Variants in ASIC2 observed in about 807,000 individuals in gnomAD.
ASIC2 encodes acid-sensing ion channel 2.
A neutral mutation model predicts 57.3 loss-of-function variants in ASIC2; 25 were observed. That is an observed-to-expected ratio of 0.44 (90% CI 0.32 to 0.61). The LOEUF (loss-of-function observed/expected upper bound fraction) is 0.61. Ranked by LOEUF, ASIC2 falls within the 20% of genes least tolerant of loss-of-function variation. The pLI, the probability that ASIC2 is intolerant of heterozygous loss-of-function variation, is 0.06. For missense variants in ASIC2, 641 were observed against 738.1 expected, an observed-to-expected ratio of 0.87 and a Z score of 1.52; for synonymous variants, 319 against 307.5, an observed-to-expected ratio of 1.04 and a Z score of -0.39.
chr17:33,966,176 G>T (rs190608194), intron 1 of ASIC2, among the ~76,000 whole-genome samples: 53 of 152,332 alleles, frequency 3.5e-4, no homozygotes, highest in African/African-American at 1.2e-3. Flanking sequence ...GGATGGTATT[G>T]TTAGCAGGTA....
intron 1 of ASIC2, among the ~76,000 whole-genome samples, chr17:33,460,972 C>T (rs1235366669): frequency 6.6e-6 from 1 of 152,214 alleles, no homozygotes; most frequent in African/African-American, 2.4e-5. Context: ...TTGCCCAGAG[C>T]TTTTCAGCTT....
chr17:33,079,098 T>A (rs1202981695), intron 3 of ASIC2, among the ~76,000 whole-genome samples: 1 of 152,214 alleles, frequency 6.6e-6, no homozygotes, highest in Non-Finnish European at 1.5e-5. Context: ...GTCCTCTCTC[T>A]CACATTTATT....
intron 1 of ASIC2, among the ~76,000 whole-genome samples, chr17:33,496,603 GTTTTTTTTTTTT>G (rs61267122): frequency 0.29 from 20,783 of 71,630 alleles, 2,319 homozygotes; most frequent in Middle Eastern, 0.38. Flanking sequence ...GTTATTGTAG[GTTTTTTTTTTTT>G]TTTTTTTTTT....
Position 33,668,792 on chromosome 17 carries a change from C to A in ASIC2, c.555+487186G>T, listed in dbSNP as rs116293539. Among the ~76,000 whole-genome samples, 4 of 152,104 alleles carry A rather than the reference C, an allele frequency of 2.6e-5. 1 individual carries two copies. The East Asian group carries it at 7.7e-4, about 29-fold the overall frequency. Reference sequence around the variant, plus strand: ...TAGTACATGTAAAGTGTTGGGACACCGTCTGGTATACAGTAAGTGTTCATC... The same window carrying A: ...TAGTACATGTAAAGTGTTGGGACACAGTCTGGTATACAGTAAGTGTTCATC... On this transcript the variant is annotated intron_variant, in intron 1 of 9. Coordinates refer to the ASIC2 transcript ENST00000359872.
chr17:34,135,081 A>G (rs553585260), intron 1 of ASIC2, among the ~76,000 whole-genome samples: 5 of 152,364 alleles, frequency 3.3e-5, no homozygotes, highest in Non-Finnish European at 5.9e-5. Flanking sequence ...AGCCAAATGG[A>G]ATGCTTTGCT....
At chr17:33,599,257 T>C (rs1289611436) in intron 1 of ASIC2, among the ~76,000 whole-genome samples, 1 of 152,224 alleles carries the variant, frequency 6.6e-6, no homozygotes. Context: ...CAGGCCTATT[T>C]TGTGGTCTGG....
At chr17:33,135,232 G>A (rs1256513712) in intron 1 of ASIC2, among the ~76,000 whole-genome samples, 6 of 151,998 alleles carry the variant, frequency 3.9e-5, no homozygotes, top group Non-Finnish European at 7.4e-5. Context: ...AACATGCCCC[G>A]CTGTCTCATC....
intron 1 of ASIC2, among the ~76,000 whole-genome samples, chr17:33,425,668 G>T: frequency 6.6e-6 from 1 of 152,144 alleles, no homozygotes; most frequent in East Asian, 1.9e-4. Flanking sequence ...TGAGAAAACA[G>T]AAGGGATGGG....
At chr17:33,641,165 G>T (rs901560709) in intron 1 of ASIC2, among the ~76,000 whole-genome samples, 1 of 152,096 alleles carries the variant, frequency 6.6e-6, no homozygotes, top group African/African-American at 2.4e-5. Context: ...TGGCTTCCTG[G>T]ATCCTTCATA....
intron 1 of ASIC2, among the ~76,000 whole-genome samples, chr17:33,756,265 C>T (rs1290354340): frequency 3.9e-5 from 6 of 152,234 alleles, no homozygotes; most frequent in Admixed American, 3.9e-4. Context: ...GGCTCTGAGA[C>T]AGCTGCTGAC....
chr17:34,010,983 C>CACACACACACACAGACACAGACACAG (rs1597972600), intron 1 of ASIC2, among the ~76,000 whole-genome samples: 2 of 2,080 alleles, frequency 9.6e-4, no homozygotes, highest in African/African-American at 2.6e-3. Flanking sequence ...CGCACACACA[C>CACACACACACACAGACACAGACACAG]ATACCTCTAG....
intron 1 of ASIC2, among the ~76,000 whole-genome samples, chr17:33,429,369 G>GTTTTTTGTTTTGTTTTGTTTTGTCT (rs1567858347): frequency 3.9e-5 from 6 of 152,020 alleles, no homozygotes; most frequent in Non-Finnish European, 5.9e-5. Flanking sequence ...AGCCTAGGTA[G>GTTTTTTGTTTTGTTTTGTTTTGTCT]TTTTTTGTTT....
intron 1 of ASIC2, among the ~76,000 whole-genome samples, chr17:33,944,207 A>T: frequency 6.6e-6 from 1 of 152,144 alleles, no homozygotes; most frequent in East Asian, 1.9e-4. Flanking sequence ...AAGATTGTTT[A>T]TTTTCCTTGC....
At chr17:34,081,332 G>C (rs779214437) in intron 1 of ASIC2, among the ~76,000 whole-genome samples, 1 of 152,120 alleles carries the variant, frequency 6.6e-6, no homozygotes, top group Non-Finnish European at 1.5e-5. Context: ...TACTTTGCTA[G>C]GCACTAGATA....
intron 1 of ASIC2, among the ~76,000 whole-genome samples, chr17:33,435,940 G>T (rs1277740704): frequency 6.6e-6 from 1 of 152,226 alleles, no homozygotes; most frequent in Non-Finnish European, 1.5e-5. Flanking sequence ...CCACAAGTCA[G>T]CAATTAGCAA....
At chr17:33,234,769 T>C (rs115486244) in intron 1 of ASIC2, among the ~76,000 whole-genome samples, 2,332 of 152,284 alleles carry the variant, frequency 0.015, 57 homozygotes, top group African/African-American at 0.054. Flanking sequence ...TTTATAAAGG[T>C]AATAATCCTA....
At chr17:34,055,601 T>C (rs1908737167) in intron 1 of ASIC2, among the ~76,000 whole-genome samples, 1 of 152,202 alleles carries the variant, frequency 6.6e-6, no homozygotes, top group Non-Finnish European at 1.5e-5. Flanking sequence ...CCTTTTTATC[T>C]TAGTTTTGCT....
intron 1 of ASIC2, among the ~76,000 whole-genome samples, chr17:34,031,880 G>A (rs909516062): frequency 5.9e-5 from 9 of 152,300 alleles, no homozygotes; most frequent in East Asian, 1.9e-4. Flanking sequence ...CCAAATCTAC[G>A]TCTGATTGAT....
intron 3 of ASIC2, among the ~76,000 whole-genome samples, chr17:33,074,474 A>G (rs1021615158): frequency 6.6e-6 from 1 of 151,854 alleles, no homozygotes; most frequent in Non-Finnish European, 1.5e-5. Flanking sequence ...TGCTGAGCTG[A>G]CCTTCCTTCC....
Sources: gnomAD v4.1 joint callset for allele counts (sites outside exome capture counted in the v4.1 genomes callset) on GRCh38, gnomAD v4.1.1 for gene constraint, MANE v1.5 for transcripts, NCBI Gene and HGNC (gene_info 2026-07-23, HGNC 2026-07-21) for gene names.